NR1I2: variants seen among roughly 807,000 people sequenced by gnomAD.
NR1I2 encodes the protein orphan nuclear receptor PAR1.
Under a neutral mutation model 43.3 loss-of-function variants are expected in NR1I2, and 42 were observed. The ratio of observed to expected loss-of-function variants is 0.97; its 90% CI spans 0.76 to 1.26. The LOEUF (loss-of-function observed/expected upper bound fraction) is 1.26, where lower values mean the gene tolerates loss of function less well. Among genes scored for constraint, NR1I2 ranks in the 50% most tolerant of loss-of-function variants. The pLI is 0.00. For missense variants in NR1I2, 559 were observed against 566.7 expected (o/e 0.99, Z 0.14); for synonymous variants, 229 against 215.0 (o/e 1.06, Z -0.57).
intron 2 of NR1I2, among the ~76,000 whole-genome samples, chr3:119,809,174 A>C (rs559954083): frequency 1.1e-4 from 17 of 152,304 alleles, no homozygotes; most frequent in Admixed American, 3.3e-4. Context: ...GGCCAGAGCC[A>C]AGGGAGAGAT....
chr3:119,801,658 A>G (rs1022568462), intron 1 of NR1I2, among the ~76,000 whole-genome samples: 1 of 151,892 alleles, frequency 6.6e-6, no homozygotes, highest in African/African-American at 2.4e-5. Flanking sequence ...TCTCCCCTAA[A>G]CTCACTGGAT....
intron 1 of NR1I2, among the ~76,000 whole-genome samples, chr3:119,805,172 C>G (rs1333895080): frequency 6.6e-6 from 1 of 151,758 alleles, no homozygotes; most frequent in Non-Finnish European, 1.5e-5. Context: ...ACCTCTCGTA[C>G]TGTTTATTTA....
At position 119,811,735 on chromosome 3, in the gene NR1I2, A is replaced by G; in HGVS notation, c.519+9A>G. The G allele has an allele frequency of 1.9e-6, 3 of 1,600,940 alleles. No homozygotes were observed. The highest frequency in any genetic ancestry group is 2.6e-6 in the Non-Finnish European group (3 of 1,172,994). On this transcript the variant is annotated intron_variant, in intron 4 of 8. Coordinates refer to ENST00000393716, the MANE Select transcript of NR1I2 (RefSeq NM_003889.4). ...ATTTCAAGAATTTCCGGGTAGGAGG[A>G]ACTGCACAGTGACCCGAGGTGTCAC...
rs547817180 is a variant in NR1I2 at position 119,788,878 on chromosome 3, A to C, written c.-23+6578A>C. On this transcript the variant is annotated intron_variant, in intron 1 of 8. Coordinates refer to ENST00000393716, the MANE Select transcript of NR1I2 (RefSeq NM_003889.4). The stretch of plus-strand genomic sequence containing the variant: ...CATGCCAGTCTGTTTGTGTACTGCC[A>C]ATTTTCTGTCTGGTTAGTTGGATTT... Among the ~76,000 whole-genome samples, 6 of 152,256 alleles carry C rather than the reference A, an allele frequency of 3.9e-5. No homozygotes were observed. In the South Asian group the frequency reaches 1.2e-3, roughly 32 times the overall value.
intron 1 of NR1I2, among the ~76,000 whole-genome samples, chr3:119,787,735 G>A (rs2054862027): frequency 6.8e-6 from 1 of 147,558 alleles, no homozygotes; most frequent in African/African-American, 2.5e-5. Context: ...GGAGATAGTA[G>A]GATGATTATA....
At chr3:119,810,584 C>A (rs188095411) in intron 3 of NR1I2, 8 of 257,094 alleles carry the variant, frequency 3.1e-5, no homozygotes, top group Admixed American at 3.0e-4. Context: ...TGATAGGACC[C>A]GGGGCCTTCT....
At chr3:119,783,761 A>G (rs1170677089) in intron 1 of NR1I2, among the ~76,000 whole-genome samples, 1 of 152,132 alleles carries the variant, frequency 6.6e-6, no homozygotes. Flanking sequence ...ACTTAGTGTG[A>G]TATATTTACT....
intron 1 of NR1I2, among the ~76,000 whole-genome samples, chr3:119,795,319 G>T (rs943697563): frequency 6.6e-6 from 1 of 152,172 alleles, no homozygotes; most frequent in African/African-American, 2.4e-5. Context: ...AGAGGGTGGG[G>T]CAGGAGAGGG....
chr3:119,792,522 G>A (rs1376728790), intron 1 of NR1I2: 6 of 1,047,440 alleles, frequency 5.7e-6, no homozygotes, highest in African/African-American at 4.7e-5. Flanking sequence ...CTGCCGGCAG[G>A]GCAGTCCGTG....
intron 1 of NR1I2, among the ~76,000 whole-genome samples, chr3:119,789,481 A>C (rs899542717): frequency 1.3e-5 from 2 of 152,276 alleles, no homozygotes; most frequent in Middle Eastern, 3.4e-3. Flanking sequence ...AAACCATCAG[A>C]TCTCATGAGA....
At chr3:119,788,979 C>T (rs2054882251) in intron 1 of NR1I2, among the ~76,000 whole-genome samples, 2 of 152,212 alleles carry the variant, frequency 1.3e-5, no homozygotes, top group Non-Finnish European at 2.9e-5. Context: ...TGCTGAAGCT[C>T]AGACCCACCA....
intron 1 of NR1I2, among the ~76,000 whole-genome samples, chr3:119,793,099 C>T (rs2054945116): frequency 6.6e-6 from 1 of 152,166 alleles, no homozygotes; most frequent in Non-Finnish European, 1.5e-5. Flanking sequence ...GCTCGCACTT[C>T]ACCTTCCACC....
At chr3:119,788,663 C>G (rs893976146) in intron 1 of NR1I2, among the ~76,000 whole-genome samples, 2 of 152,100 alleles carry the variant, frequency 1.3e-5, no homozygotes, top group South Asian at 4.2e-4. Flanking sequence ...GTCTCGAACT[C>G]CTGGCCTCAA....
chr3:119,809,228 G>A (rs2055200782), intron 2 of NR1I2, among the ~76,000 whole-genome samples: 1 of 152,180 alleles, frequency 6.6e-6, no homozygotes, highest in South Asian at 2.1e-4. Context: ...AGTAAAGGTA[G>A]GACTGCACTG....
intron 4 of NR1I2, among the ~76,000 whole-genome samples, chr3:119,812,154 C>T (rs1365024076): frequency 6.6e-6 from 1 of 152,194 alleles, no homozygotes; most frequent in African/African-American, 2.4e-5. Context: ...AGGACAGGAT[C>T]AGGACCTGTT....
At chr3:119,814,436 A>T (rs774691619) in intron 5 of NR1I2, among the ~76,000 whole-genome samples, 1 of 152,220 alleles carries the variant, frequency 6.6e-6, no homozygotes, top group Non-Finnish European at 1.5e-5. Context: ...ATGTGTGCAC[A>T]TTAAACCCAA....
intron 2 of NR1I2, 25 bp from the exon 3 acceptor site, chr3:119,810,036 C>A: frequency 6.2e-7 from 1 of 1,613,616 alleles, no homozygotes; most frequent in Non-Finnish European, 8.5e-7. Context: ...GTGCATCCCC[C>A]CTTCTGCTCC....
At chr3:119,813,096 G>GCAGCACT in intron 5 of NR1I2, 136 bp downstream of exon 5, 1 of 1,011,510 alleles carries the variant, frequency 9.9e-7, no homozygotes, top group Non-Finnish European at 1.5e-6. Flanking sequence ...CCCTTTCCCC[G>GCAGCACT]GGCAGCCAGT....
intron 1 of NR1I2, among the ~76,000 whole-genome samples, chr3:119,789,430 G>A (rs1053096548): frequency 2.0e-5 from 3 of 152,190 alleles, no homozygotes; most frequent in Non-Finnish European, 4.4e-5. Flanking sequence ...TGTCAGGCAA[G>A]AGAGAGAATG....
Sources: gnomAD v4.1 joint callset for allele counts (sites outside exome capture counted in the v4.1 genomes callset) on GRCh38, gnomAD v4.1.1 for gene constraint, MANE v1.5 for transcripts, NCBI Gene and HGNC (gene_info 2026-07-23, HGNC 2026-07-21) for gene names.